TMEM44: variants seen among roughly 807,000 people sequenced by gnomAD.
The protein encoded by TMEM44 is transmembrane protein 44.
Under a neutral mutation model 47.8 loss-of-function variants are expected in TMEM44, and 43 were observed. That is an observed-to-expected ratio of 0.90 (90% confidence interval 0.70 to 1.16). The LOEUF is 1.16. Ranked by LOEUF, TMEM44 falls within the 50% of genes most tolerant of loss-of-function variation. The pLI is 0.00. For missense variants in TMEM44, 568 were observed against 555.2 expected (o/e 1.02, Z -0.23); for synonymous variants, 277 against 238.8 (o/e 1.16, Z -1.48).
At position 194,623,359 on chromosome 3, in the gene TMEM44, C is replaced by T. The variant is rs368442677; in HGVS notation, c.526-49G>A. The T allele has an allele frequency of 1.2e-5, 18 of 1,542,464 alleles. No homozygotes were observed. The South Asian group carries it at 1.7e-4, about 14-fold the overall frequency. The stretch of plus-strand genomic sequence containing the variant: ...ACCATCAGTACTCTGCAGAGACTGC[C>T]CATGTGCCCCAAGAAACAGCCAAAG... On this transcript the variant is annotated intron_variant, in intron 4 of 9. Coordinates refer to ENST00000347147, the MANE Select transcript of TMEM44 (RefSeq NM_001011655.3).
chr3:194,598,506 A>C (rs1024916751), intron 9 of TMEM44, among the ~76,000 whole-genome samples: 4 of 152,120 alleles, frequency 2.6e-5, no homozygotes, highest in Admixed American at 2.0e-4. Context: ...TATCACCATT[A>C]TTATGTTTTC....
intron 6 of TMEM44, chr3:194,616,699 C>T: frequency 2.5e-6 from 1 of 407,564 alleles, no homozygotes; most frequent in Non-Finnish European, 4.9e-6. Context: ...CCACAGTCAG[C>T]ATCTAAAAAT....
chr3:194,629,661 G>A (rs1364717113), intron 1 of TMEM44, among the ~76,000 whole-genome samples: 1 of 149,814 alleles, frequency 6.7e-6, no homozygotes, highest in East Asian at 2.0e-4. Context: ...CTCCCGAAGG[G>A]GCTGGCTGTT....
At chr3:194,616,411 T>C (rs1017119558) in intron 6 of TMEM44, 2 of 357,332 alleles carry the variant, frequency 5.6e-6, no homozygotes, top group Non-Finnish European at 5.6e-6. Flanking sequence ...AATGAAGTCA[T>C]AGTGGATTGG....
At chr3:194,632,327 G>A (rs1437607488) in intron 1 of TMEM44, among the ~76,000 whole-genome samples, 3 of 152,190 alleles carry the variant, frequency 2.0e-5, no homozygotes, top group South Asian at 2.1e-4. Flanking sequence ...GTGCCTACAG[G>A]GAGACAGTTC....
At chr3:194,605,189 AATCT>A (rs1714645874) in intron 8 of TMEM44, among the ~76,000 whole-genome samples, 4 of 152,164 alleles carry the variant, frequency 2.6e-5, no homozygotes, top group South Asian at 4.1e-4. Flanking sequence ...TCTATCTACC[AATCT>A]ATCTATCTGT....
chr3:194,589,673 A>G (rs1448562236), intron 9 of TMEM44: 1 of 152,162 alleles, frequency 6.6e-6, no homozygotes, highest in East Asian at 1.9e-4. Context: ...ACGGGTTAAT[A>G]CAAGTGGGCA....
chr3:194,599,939 T>C (rs932223568), intron 9 of TMEM44, among the ~76,000 whole-genome samples: 1 of 152,098 alleles, frequency 6.6e-6, no homozygotes, highest in Non-Finnish European at 1.5e-5. Flanking sequence ...TTTGTATTTT[T>C]AGTTGAGATG....
intron 5 of TMEM44, among the ~76,000 whole-genome samples, chr3:194,619,595 CCCA>C (rs1210433607): frequency 1.3e-5 from 2 of 152,216 alleles, no homozygotes; most frequent in African/African-American, 4.8e-5. Flanking sequence ...TGGGAACTTT[CCCA>C]CCAAAGCCAC....
intron 5 of TMEM44, among the ~76,000 whole-genome samples, chr3:194,618,715 G>A (rs1716214795): frequency 6.6e-6 from 1 of 151,924 alleles, no homozygotes; most frequent in African/African-American, 2.4e-5. Context: ...GCCTTGGCTA[G>A]GGAATGGGAA....
intron 1 of TMEM44, among the ~76,000 whole-genome samples, chr3:194,630,432 C>T (rs1260475739): frequency 1.1e-5 from 1 of 89,106 alleles, no homozygotes; most frequent in African/African-American, 5.6e-5. Flanking sequence ...AATACGCTGT[C>T]GTACTGCCTC....
At position 194,591,298 on chromosome 3, in the gene TMEM44, G is replaced by T. The variant is rs564174876; in HGVS notation, c.1177-2659C>A. Among the ~76,000 whole-genome samples, 14 of 152,064 alleles carry T rather than the reference G, an allele frequency of 9.2e-5. No individual in the cohort carries two copies. The East Asian group carries it at 2.4e-3, about 26-fold the overall frequency. On this transcript the variant is annotated intron_variant, in intron 9 of 9. Transcript: ENST00000347147. ...ACCTGAGGTCAGGAGTTCGAGACCA[G>T]CCTGGCCAACATGGTGAAACCCCAT... is the stretch of plus-strand genomic sequence containing the variant.
intron 9 of TMEM44, among the ~76,000 whole-genome samples, chr3:194,599,586 CTT>C (rs35672774): frequency 0.32 from 41,490 of 127,908 alleles, 5,990 homozygotes; most frequent in East Asian, 0.73. Flanking sequence ...TTTTTCTTTT[CTT>C]TTTTTTTTTT....
chr3:194,590,422 G>C (rs1712512487), intron 9 of TMEM44, among the ~76,000 whole-genome samples: 1 of 152,148 alleles, frequency 6.6e-6, no homozygotes, highest in African/African-American at 2.4e-5. Flanking sequence ...GCATTAACTT[G>C]CGGTCGCAGA....
chr3:194,616,788 G>A (rs555984061), intron 6 of TMEM44: 28 of 426,772 alleles, frequency 6.6e-5, no homozygotes, highest in African/African-American at 3.0e-4. Flanking sequence ...CCAGCTACTC[G>A]GGAGGCTGAG....
At position 194,588,564 on chromosome 3, in the gene TMEM44, A is replaced by C; in HGVS notation, c.1252T>G (p.Ser418Ala). 3 of 1,614,216 alleles carry C rather than the reference A, an allele frequency of 1.9e-6. No homozygotes were observed. The highest frequency in any genetic ancestry group is 2.5e-6 in the Non-Finnish European group (3 of 1,180,048). ...ELLGSQVHQD[S>A]VRTAHLSDDD The stretch of plus-strand genomic sequence containing the variant: ...TCACTCAGGTGTGCTGTCCTCACAG[A>C]GTCCTGGTGCACCTGGGATCCCAGT... The change falls in exon 10 of 10, where the codon TCT becomes GCT. Residue 418 changes from serine (S) to alanine (A), a missense_variant. Coordinates refer to ENST00000347147, the MANE Select transcript of TMEM44 (RefSeq NM_001011655.3).
intron 5 of TMEM44, among the ~76,000 whole-genome samples, chr3:194,621,064 A>C (rs1451638803): frequency 6.6e-6 from 1 of 150,974 alleles, no homozygotes. Context: ...CCCAACCCCC[A>C]GTGTCTGTGA....
At chr3:194,622,545 C>T (rs1414873776) in intron 5 of TMEM44, 1 of 149,796 alleles carries the variant, frequency 6.7e-6, no homozygotes, top group Non-Finnish European at 1.5e-5. Flanking sequence ...CCATAAGACA[C>T]TCTTTTTTTT....
chr3:194,625,710 G>T (rs1158927557), intron 3 of TMEM44, among the ~76,000 whole-genome samples, 187 bp downstream of exon 3: 1 of 152,132 alleles, frequency 6.6e-6, no homozygotes, highest in Non-Finnish European at 1.5e-5. Flanking sequence ...TGGATCTCCT[G>T]ACCTCATGAT....
Sources: allele counts gnomAD v4.1 joint callset (sites outside exome capture counted in the v4.1 genomes callset), GRCh38; gene constraint gnomAD v4.1.1; transcripts MANE v1.5; gene names NCBI Gene and HGNC (gene_info 2026-07-23, HGNC 2026-07-21).